Variants in MLKL observed in about 807,000 individuals in gnomAD.
MLKL encodes mixed lineage kinase domain-like protein.
A neutral mutation model predicts 56.5 loss-of-function variants in MLKL; 55 were observed. The observed-to-expected ratio is 0.97, with a 90% CI of 0.78 to 1.22. MLKL has a LOEUF of 1.22. Among genes scored for constraint, MLKL ranks in the 50% most tolerant of loss-of-function variants. MLKL has a pLI of 0.00. For synonymous variants in MLKL, 251 were observed against 208.3 expected (o/e 1.20, Z -1.76); for missense variants, 694 against 573.9 (o/e 1.21, Z -2.14).
intron 1 of MLKL, among the ~76,000 whole-genome samples, chr16:74,696,164 A>G (rs1256382936): frequency 1.3e-5 from 2 of 152,192 alleles, no homozygotes; most frequent in Non-Finnish European, 2.9e-5. Flanking sequence ...AAGAGTCCTG[A>G]GTCCCTGGAT....
chr16:74,679,329 G>C (rs1959797686), intron 6 of MLKL, among the ~76,000 whole-genome samples: 1 of 152,192 alleles, frequency 6.6e-6, no homozygotes, highest in Non-Finnish European at 1.5e-5. Context: ...GCTGGACCTT[G>C]CTGGGACCCT....
rs1286173107 is a variant in MLKL at position 74,671,960 on chromosome 16, A to C, written c.*544T>G. 1 of 152,352 alleles carries C rather than the reference A, an allele frequency of 6.6e-6. No individual in the cohort carries two copies. The highest frequency in any genetic ancestry group is 1.5e-5 in the Non-Finnish European group (1 of 68,210). 9.4% of individuals were successfully genotyped at this position (152,352 alleles called of 1,614,324 possible). On this transcript the variant is annotated 3_prime_UTR_variant, in exon 11 of 11. Transcript: ENST00000308807. Reference sequence around the variant, plus strand: ...CTTCTGGTCTTGATTGGCCTCATTCATGTGTTAGCTGCCATGTTGGTTGGG... The same window carrying C: ...CTTCTGGTCTTGATTGGCCTCATTCCTGTGTTAGCTGCCATGTTGGTTGGG...
chr16:74,695,203 G>A (rs1018511954), intron 2 of MLKL, 95 bp downstream of exon 2: 6 of 1,325,666 alleles, frequency 4.5e-6, no homozygotes, highest in Non-Finnish European at 6.3e-6. Flanking sequence ...TATTACAACT[G>A]CTCAAACTTC....
At chr16:74,674,748 C>A (rs1013882254) in intron 10 of MLKL, among the ~76,000 whole-genome samples, 1 of 152,138 alleles carries the variant, frequency 6.6e-6, no homozygotes, top group African/African-American at 2.4e-5. Flanking sequence ...CAGCCATCAT[C>A]CTTGGCCTTT....
At chr16:74,691,555 G>C in intron 3 of MLKL, 92 bp from the exon 4 acceptor site, 1 of 1,369,418 alleles carries the variant, frequency 7.3e-7, no homozygotes, top group East Asian at 2.3e-5. Flanking sequence ...ATGTGTGAGT[G>C]GGAAGCTCTA....
intron 9 of MLKL, 47 bp downstream of exon 9, chr16:74,675,307 AG>A (rs1567599019): frequency 6.2e-7 from 1 of 1,613,482 alleles, no homozygotes. Flanking sequence ...GTCTACTGGA[AG>A]GGGACCCAAC....
chr16:74,698,817 G>T (rs185784008), intron 1 of MLKL, among the ~76,000 whole-genome samples: 14 of 152,264 alleles, frequency 9.2e-5, no homozygotes, highest in Admixed American at 9.2e-4. Context: ...TGGTGGCATG[G>T]TATGAAGAAA....
chr16:74,699,558 T>G (rs543253934), intron 1 of MLKL, among the ~76,000 whole-genome samples: 1 of 152,160 alleles, frequency 6.6e-6, no homozygotes, highest in South Asian at 2.1e-4. Flanking sequence ...GAACTTATGA[T>G]GTAGAAAAGC....
intron 2 of MLKL, among the ~76,000 whole-genome samples, chr16:74,693,003 G>C (rs965674980): frequency 6.6e-6 from 1 of 152,150 alleles, no homozygotes; most frequent in Non-Finnish European, 1.5e-5. Context: ...ACTAAAAGTG[G>C]GAAAGTCTCT....
At chr16:74,673,799 T>C (rs1391264283) in intron 10 of MLKL, among the ~76,000 whole-genome samples, 1 of 151,578 alleles carries the variant, frequency 6.6e-6, no homozygotes, top group Non-Finnish European at 1.5e-5. Flanking sequence ...AACAAGATAA[T>C]GCTGCTGTGG....
intron 4 of MLKL, among the ~76,000 whole-genome samples, chr16:74,688,344 C>CT (rs1960462130): frequency 6.6e-6 from 1 of 152,136 alleles, no homozygotes; most frequent in South Asian, 2.1e-4. Flanking sequence ...GAATGACTAC[C>CT]TTATACAATA....
chr16:74,699,781 CA>C (rs772013414), intron 1 of MLKL, among the ~76,000 whole-genome samples: 1 of 151,616 alleles, frequency 6.6e-6, no homozygotes, highest in East Asian at 1.9e-4. Flanking sequence ...CCAAAAAATA[CA>C]AAAAAAATTT....
At chr16:74,689,996 A>C (rs1377747369) in intron 4 of MLKL, among the ~76,000 whole-genome samples, 1 of 152,262 alleles carries the variant, frequency 6.6e-6, no homozygotes, top group Non-Finnish European at 1.5e-5. Flanking sequence ...TCCAGAGCAC[A>C]AATAAAAAGC....
chr16:74,673,337 C>T (rs923784218), intron 10 of MLKL, among the ~76,000 whole-genome samples: 3 of 152,166 alleles, frequency 2.0e-5, no homozygotes, highest in Non-Finnish European at 4.4e-5. Flanking sequence ...CCTGCCTCAG[C>T]TTCCTGAGTA....
intron 1 of MLKL, among the ~76,000 whole-genome samples, chr16:74,699,490 A>G (rs975916196): frequency 6.6e-6 from 1 of 152,228 alleles, no homozygotes; most frequent in Non-Finnish European, 1.5e-5. Flanking sequence ...ATGATCTACA[A>G]GGGAAGAAAG....
At chr16:74,683,146 T>C in intron 5 of MLKL, among the ~76,000 whole-genome samples, 1 of 151,988 alleles carries the variant, frequency 6.6e-6, no homozygotes, top group East Asian at 1.9e-4. Context: ...ATGTCTCTAC[T>C]AAAAATACAA....
At chr16:74,695,114 A>C (rs1276836277) in intron 2 of MLKL, among the ~76,000 whole-genome samples, 184 bp downstream of exon 2, 1 of 152,168 alleles carries the variant, frequency 6.6e-6, no homozygotes, top group East Asian at 1.9e-4. Context: ...CCTAGTGATC[A>C]GCCCGCCTCG....
chr16:74,691,332 G>A lies in MLKL; in HGVS notation c.667C>T (p.His223Tyr), dbSNP rs2144537665. Reference sequence around the variant, plus strand: ...ACTTTTATGGCCACTGGAGCTCTGTGGTATTCTCCTTTATAAAGTGTGCTG... The same window carrying A: ...ACTTTTATGGCCACTGGAGCTCTGTAGTATTCTCCTTTATAAAGTGTGCTG... Reference protein sequence around the residue: ...EVSTLYKGEYHRAPVAIKVFK... With the variant: ...EVSTLYKGEYYRAPVAIKVFK... Residue 223 changes from histidine (H) to tyrosine (Y), a missense_variant, in exon 4 of 11, where the codon CAC becomes TAC. By Grantham distance (83) the His-to-Tyr change is moderately conservative. Transcript: ENST00000308807. The A allele has an allele frequency of 6.2e-7, 1 of 1,613,804 alleles. No individual in the cohort carries two copies. The highest frequency in any genetic ancestry group is 8.5e-7 in the Non-Finnish European group (1 of 1,179,924).
rs1339090923 is a variant in MLKL, at chr16:74,672,090, A to G, written c.*414T>C. On this transcript the variant is annotated 3_prime_UTR_variant, in exon 11 of 11. Coordinates refer to ENST00000308807, the MANE Select transcript of MLKL (RefSeq NM_152649.4). ...ATGGCTGGGTAAGGTTCCAACAGAC[A>G]TTTATAAGGCCTCTTGAAACCTAGG... The G allele has an allele frequency of 6.2e-6, 1 of 160,280 alleles. No homozygotes were observed. Among genetic ancestry groups the G allele is most frequent in the Non-Finnish European group, 1.4e-5 (1 of 73,084 alleles). 9.9% of individuals were successfully genotyped at this position (160,280 alleles called of 1,614,324 possible).
Sources: gnomAD v4.1 joint callset for allele counts (sites outside exome capture counted in the v4.1 genomes callset) on GRCh38, gnomAD v4.1.1 for gene constraint, MANE v1.5 for transcripts, NCBI Gene and HGNC (gene_info 2026-07-23, HGNC 2026-07-21) for gene names.